Variants in CNTLN observed in about 807,000 individuals in gnomAD.
The protein encoded by CNTLN is centlein, centrosomal protein.
In CNTLN, 212 loss-of-function variants were observed where a neutral mutation model predicts 180.0. The observed-to-expected ratio is 1.18, with a 90% confidence interval of 1.05 to 1.32. The LOEUF is 1.32. CNTLN is among the 40% of genes most tolerant of loss of function. The pLI is 0.00. For synonymous variants in CNTLN, 722 were observed against 563.1 expected (o/e 1.28, Z -3.99); for missense variants, 2,095 against 1,610.9 (o/e 1.30, Z -5.14).
chr9:17,450,628 A>G (rs1830726982), intron 18 of CNTLN, among the ~76,000 whole-genome samples: 1 of 152,212 alleles, frequency 6.6e-6, no homozygotes, highest in South Asian at 2.1e-4. Context: ...TCTAAAGGCT[A>G]CTGAAGTCTA....
chr9:17,367,746 T>C (rs1823950730), intron 13 of CNTLN, among the ~76,000 whole-genome samples: 1 of 152,100 alleles, frequency 6.6e-6, no homozygotes, highest in South Asian at 2.1e-4. Flanking sequence ...CATCCTGGGC[T>C]AGAAGCGAAC....
intron 2 of CNTLN, among the ~76,000 whole-genome samples, chr9:17,165,777 C>T (rs931482860): frequency 2.0e-5 from 3 of 152,176 alleles, no homozygotes; most frequent in African/African-American, 7.2e-5. Flanking sequence ...CTGAATTATT[C>T]AGCCTCAGAG....
rs145620295 is a variant in CNTLN at position 17,174,507 on chromosome 9, C to A, written c.449+31131C>A. Among the ~76,000 whole-genome samples, 241 of 152,082 alleles carry A rather than the reference C, an allele frequency of 1.6e-3. 1 individual carries two copies. The highest frequency in any genetic ancestry group is 5.6e-3 in the African/African-American group (232 of 41,476). On this transcript the variant is annotated intron_variant, in intron 2 of 25. Transcript: ENST00000380647. ...AGTCAGGAGTTTGAAACCAGCCTGG[C>A]CAATATGGTGAAACCCCATCTCTAC...
chr9:17,494,120 C>T (rs1833316000), intron 25 of CNTLN, among the ~76,000 whole-genome samples: 1 of 152,126 alleles, frequency 6.6e-6, no homozygotes, highest in Non-Finnish European at 1.5e-5. Flanking sequence ...CGTTTGAGGC[C>T]TGGGGAAAAT....
At chr9:17,359,737 A>ACAAAAAAC (rs1422170813) in intron 12 of CNTLN, among the ~76,000 whole-genome samples, 1 of 118,296 alleles carries the variant, frequency 8.5e-6, no homozygotes, top group African/African-American at 3.0e-5. Flanking sequence ...AAAAAAAAAA[A>ACAAAAAAC]AAAAAAAAAA....
intron 13 of CNTLN, among the ~76,000 whole-genome samples, chr9:17,385,343 C>G (rs1825603975): frequency 6.6e-6 from 1 of 152,122 alleles, no homozygotes; most frequent in Non-Finnish European, 1.5e-5. Flanking sequence ...ATTTCCTCTC[C>G]CCTCTGCAGA....
chr9:17,462,984 A>G lies in CNTLN; in HGVS notation c.3375A>G (p.Lys1125=). Residue 1125 remains lysine (K), a synonymous_variant, in exon 20 of 26, where the codon AAA becomes AAG. Coordinates refer to ENST00000380647, the MANE Select transcript of CNTLN (RefSeq NM_017738.4). The part of the protein sequence containing the change: ...VKTLKFELLA[K]EEHIKEMHEK... ...CTTTGAAATTTGAACTCCTAGCAAA[A>G]GAAGAACACATAAAGGAAATGCATG... 6.3e-7 allele frequency: 1 copy of G among 1,586,236 alleles called. No homozygotes were observed. Among genetic ancestry groups the G allele is most frequent in the Non-Finnish European group, 8.6e-7 (1 of 1,168,548 alleles).
Position 17,290,430 on chromosome 9 carries a change from C to G in CNTLN, c.984-7760C>G, listed in dbSNP as rs200062521. Among the ~76,000 whole-genome samples the G allele has an allele frequency of 5.4e-5, 8 of 148,182 alleles. No individual in the cohort carries two copies. In the East Asian group the frequency reaches 9.8e-4, roughly 18 times the overall value. ...TCTTCAAAGCTGTCAGACAGGGACACTTAAGTCTGCAGAGGTTACTGCTGT... is the reference window on the plus strand; with the variant it reads ...TCTTCAAAGCTGTCAGACAGGGACAGTTAAGTCTGCAGAGGTTACTGCTGT... On this transcript the variant is annotated intron_variant, in intron 6 of 25. Transcript: ENST00000380647.
chr9:17,329,242 C>G (rs1442970266), intron 8 of CNTLN, among the ~76,000 whole-genome samples: 2 of 151,934 alleles, frequency 1.3e-5, no homozygotes, highest in Non-Finnish European at 2.9e-5. Context: ...GAAACCTAGA[C>G]AAGAGCAGGT....
At chr9:17,466,494 T>G (rs1386268611) in intron 22 of CNTLN, among the ~76,000 whole-genome samples, 1 of 151,512 alleles carries the variant, frequency 6.6e-6, no homozygotes, top group Non-Finnish European at 1.5e-5. Context: ...TTGTAATCTT[T>G]AAAAATCATA....
chr9:17,153,039 G>C (rs984148484), intron 2 of CNTLN, among the ~76,000 whole-genome samples: 2 of 151,980 alleles, frequency 1.3e-5, no homozygotes, highest in Admixed American at 6.6e-5. Context: ...TGTATTTTGA[G>C]CCTATGTGTG....
At chr9:17,335,118 C>G (rs1820917657) in intron 10 of CNTLN, among the ~76,000 whole-genome samples, 1 of 152,232 alleles carries the variant, frequency 6.6e-6, no homozygotes, top group South Asian at 2.1e-4. Flanking sequence ...AGCTTTTATT[C>G]TATTGAGGTT....
intron 14 of CNTLN, among the ~76,000 whole-genome samples, chr9:17,391,602 T>C (rs1826121048): frequency 6.6e-6 from 1 of 152,114 alleles, no homozygotes. Context: ...AGAAAAAAAA[T>C]GCTAATTTCC....
intron 23 of CNTLN, among the ~76,000 whole-genome samples, chr9:17,470,964 G>A (rs1832017798): frequency 6.6e-6 from 1 of 151,818 alleles, no homozygotes; most frequent in African/African-American, 2.4e-5. Flanking sequence ...TAATACCTTG[G>A]CACTGTTAAT....
chr9:17,455,401 C>T (rs1010857223), intron 18 of CNTLN, among the ~76,000 whole-genome samples: 2 of 152,128 alleles, frequency 1.3e-5, no homozygotes, highest in South Asian at 4.1e-4. Context: ...TCATTTAATA[C>T]ATTTTTATAT....
At chr9:17,316,753 C>G (rs1455038776) in intron 8 of CNTLN, among the ~76,000 whole-genome samples, 2 of 151,820 alleles carry the variant, frequency 1.3e-5, no homozygotes, top group Admixed American at 6.6e-5. Context: ...GTAATATTTT[C>G]TAGTGTGATA....
At chr9:17,389,939 T>C (rs771023725) in intron 14 of CNTLN, among the ~76,000 whole-genome samples, 15 of 152,046 alleles carry the variant, frequency 9.9e-5, no homozygotes, top group Non-Finnish European at 1.6e-4. Flanking sequence ...TCAACATGAC[T>C]GGTGTCTTTA....
intron 3 of CNTLN, among the ~76,000 whole-genome samples, chr9:17,235,094 A>C (rs1202069583): frequency 1.3e-5 from 2 of 152,172 alleles, no homozygotes; most frequent in African/African-American, 4.8e-5. Flanking sequence ...TCTGGGGTAC[A>C]TCCACCTCGT....
At chr9:17,226,407 A>G (rs1824468899) in intron 3 of CNTLN, 120 bp downstream of exon 3, 1 of 502,288 alleles carries the variant, frequency 2.0e-6, no homozygotes, top group South Asian at 4.0e-5. Flanking sequence ...CTTATGTTAA[A>G]GCATTACTAT....
Sources: gnomAD v4.1 joint callset for allele counts (sites outside exome capture counted in the v4.1 genomes callset) on GRCh38, gnomAD v4.1.1 for gene constraint, MANE v1.5 for transcripts, NCBI Gene and HGNC (gene_info 2026-07-23, HGNC 2026-07-21) for gene names.